SPPL2A: variants seen among roughly 807,000 people sequenced by gnomAD.
SPPL2A encodes the protein signal peptide peptidase-like 2A.
A neutral mutation model predicts 63.8 loss-of-function variants in SPPL2A; 51 were observed. That is an observed-to-expected ratio of 0.80 (90% CI 0.64 to 1.01). The LOEUF (loss-of-function observed/expected upper bound fraction) is 1.01. Among genes scored for constraint, SPPL2A ranks in the 50% least tolerant of loss-of-function variants. SPPL2A has a pLI of 0.00. For missense variants in SPPL2A, 553 were observed against 622.7 expected (o/e 0.89, Z 1.19); for synonymous variants, 188 against 205.8 (o/e 0.91, Z 0.74).
At chr15:50,742,184 C>CG (rs1243137753) in intron 5 of SPPL2A, among the ~76,000 whole-genome samples, 1 of 151,914 alleles carries the variant, frequency 6.6e-6, no homozygotes, top group Non-Finnish European at 1.5e-5. Context: ...CTGAGGCAGG[C>CG]GGATCACCTG....
chr15:50,703,445 C>T lies in SPPL2A; in HGVS notation c.*4355G>A, dbSNP rs12913464. ...TGGTGTGATCTCGACTCACTGCAAC[C>T]TCCACCTCCCAGGTTCAAGCGATTC... On this transcript the variant is annotated 3_prime_UTR_variant, in exon 15 of 15. Transcript: ENST00000261854. 0.094 allele frequency: 13,482 copies of T among 143,914 alleles called. 724 individuals carry two copies. The highest frequency in any genetic ancestry group is 0.15 in the South Asian group (670 of 4,516). The allele number at this position is 143,914 out of a possible 1,614,324, so 8.9% of individuals were successfully genotyped here.
intron 8 of SPPL2A, among the ~76,000 whole-genome samples, chr15:50,735,732 C>G (rs775631168): frequency 6.6e-6 from 1 of 152,004 alleles, no homozygotes; most frequent in African/African-American, 2.4e-5. Flanking sequence ...TGCACTACCA[C>G]GCCTGGCTAA....
chr15:50,720,143 C>T (rs765003750), intron 13 of SPPL2A, 43 bp from the exon 14 acceptor site: 1 of 1,531,062 alleles, frequency 6.5e-7, no homozygotes, highest in Non-Finnish European at 8.8e-7. Context: ...CTACATGTTA[C>T]CAAAGGTGGG....
At position 50,739,249 on chromosome 15, in the gene SPPL2A, G is replaced by A. The variant is rs147200580; in HGVS notation, c.733+431C>T. Among the ~76,000 whole-genome samples the A allele has an allele frequency of 6.9e-3, 1,031 of 149,834 alleles. 5 individuals are homozygous for A. Among genetic ancestry groups the A allele is most frequent in the Non-Finnish European group, 0.011 (730 of 67,746 alleles). ...GCTGGAGTGCAATGGCGCAATGTCGGCTCACTGCAAACTCCACCTCCCAGG... is the reference window on the plus strand; with the variant it reads ...GCTGGAGTGCAATGGCGCAATGTCGACTCACTGCAAACTCCACCTCCCAGG... On this transcript the variant is annotated intron_variant, in intron 6 of 14. Coordinates refer to ENST00000261854, the MANE Select transcript of SPPL2A (RefSeq NM_032802.4).
chr15:50,707,965 A>C lies in SPPL2A; in HGVS notation c.1489-91T>G, dbSNP rs1176335617. On this transcript the variant is annotated intron_variant, in intron 14 of 14. Transcript: ENST00000261854. ...AGCAAAAGGATTCTTTTTCTAAAAA[A>C]CACAGATTGCTCTATGAAACTGAGC... 7 of 738,034 alleles carry C rather than the reference A, an allele frequency of 9.5e-6. No individual in the cohort carries two copies. The East Asian group carries it at 1.5e-4, about 16-fold the overall frequency. The allele number at this position is 738,034 out of a possible 1,614,324, so 45.7% of individuals were successfully genotyped here. A position where few individuals can be genotyped will look rare whatever the true frequency, so the allele number is the denominator to read the frequency against.
At chr15:50,728,817 ATT>A (rs534318500) in intron 10 of SPPL2A, among the ~76,000 whole-genome samples, 9 of 136,026 alleles carry the variant, frequency 6.6e-5, no homozygotes, top group Admixed American at 1.5e-4. Flanking sequence ...TGATTATTGT[ATT>A]TTTTTTTTTT....
intron 6 of SPPL2A, among the ~76,000 whole-genome samples, chr15:50,738,322 G>A (rs2062789785): frequency 6.6e-6 from 1 of 152,180 alleles, no homozygotes; most frequent in Non-Finnish European, 1.5e-5. Flanking sequence ...GCCAAGGCAG[G>A]TGGATCACTT....
At chr15:50,749,513 C>G in intron 2 of SPPL2A, 123 bp downstream of exon 2, 1 of 680,454 alleles carries the variant, frequency 1.5e-6, no homozygotes, top group Non-Finnish European at 2.7e-6. Context: ...GTCTTGATCT[C>G]CTGACCTCAT....
chr15:50,734,676 T>C (rs1567158406), intron 8 of SPPL2A, among the ~76,000 whole-genome samples: 1 of 152,050 alleles, frequency 6.6e-6, no homozygotes, highest in Non-Finnish European at 1.5e-5. Context: ...AAGAGTGAAA[T>C]TGGAATGTTC....
intron 10 of SPPL2A, among the ~76,000 whole-genome samples, chr15:50,726,964 G>A (rs990655366): frequency 6.6e-6 from 1 of 152,140 alleles, no homozygotes; most frequent in African/African-American, 2.4e-5. Context: ...TTTCAGCCCT[G>A]CCTGCTTTCT....
chr15:50,724,648 C>A (rs1230078679), intron 12 of SPPL2A, among the ~76,000 whole-genome samples: 1 of 151,664 alleles, frequency 6.6e-6, no homozygotes, highest in Non-Finnish European at 1.5e-5. Context: ...TACTTCTAAA[C>A]TAAATTATTA....
intron 14 of SPPL2A, among the ~76,000 whole-genome samples, chr15:50,715,280 G>A (rs549562910): frequency 6.6e-6 from 1 of 152,220 alleles, no homozygotes; most frequent in Non-Finnish European, 1.5e-5. Context: ...TTACAGGTGT[G>A]AGCCACCGCT....
In SPPL2A at chr15:50,706,402, A is replaced by C. The variant is rs1365705744; in HGVS notation, c.*1398T>G. 1 of 150,100 alleles carries C rather than the reference A, an allele frequency of 6.7e-6. No homozygotes were observed. Among genetic ancestry groups the C allele is most frequent in the Admixed American group, 6.6e-5 (1 of 15,038 alleles). 9.3% of individuals were successfully genotyped at this position (150,100 alleles called of 1,614,324 possible). A position where few individuals can be genotyped will look rare whatever the true frequency, so the allele number is the denominator to read the frequency against. ...GAGACTCCGTCTCAAAAAAAAAAAA[A>C]AAAAAAAAAAGAAAACTGAGATACA... is the stretch of plus-strand genomic sequence containing the variant. On this transcript the variant is annotated 3_prime_UTR_variant, in exon 15 of 15. Transcript: ENST00000261854.
intron 1 of SPPL2A, among the ~76,000 whole-genome samples, chr15:50,753,065 A>G (rs569760231): frequency 2.4e-4 from 37 of 152,322 alleles, no homozygotes; most frequent in African/African-American, 7.7e-4. Context: ...ATAGCAAAAA[A>G]ACCCAACTTC....
At position 50,747,480 on chromosome 15, in the gene SPPL2A, GTTAA is replaced by G. The variant is rs1555444244; in HGVS notation, c.584+11_584+14del. ...AACCATTTATTACAAAAACGCTTAA[GTTAA>G]TTAAACTTACAATTCAACTAGTCCA... On this transcript the variant is annotated intron_variant, in intron 5 of 14. Transcript: ENST00000261854. 6.3e-7 allele frequency: 1 copy of G among 1,588,240 alleles called. No individual in the cohort carries two copies. The highest frequency in any genetic ancestry group is 1.4e-5 in the African/African-American group (1 of 73,380).
rs2062489033 is a variant in SPPL2A, at chr15:50,703,345, TACA to T, written c.*4452_*4454del. 9.2e-5 allele frequency: 8 copies of T among 87,200 alleles called. No individual in the cohort carries two copies. The highest frequency in any genetic ancestry group is 4.2e-4 in the South Asian group (1 of 2,392). The allele number at this position is 87,200 out of a possible 1,614,324, so 5.4% of individuals were successfully genotyped here. A position where few individuals can be genotyped will look rare whatever the true frequency, so the allele number is the denominator to read the frequency against. ...ATATACATATATATATATATATATA[TACA>T]TATATATATTTTTTTTTTTTTTTTT... On this transcript the variant is annotated 3_prime_UTR_variant, in exon 15 of 15. Transcript: ENST00000261854.
intron 14 of SPPL2A, among the ~76,000 whole-genome samples, chr15:50,712,027 C>T (rs751465735): frequency 7.9e-5 from 12 of 152,132 alleles, no homozygotes; most frequent in Non-Finnish European, 1.5e-4. Flanking sequence ...AGCTTATACA[C>T]ACATGCAAAA....
rs564787340 is a variant in SPPL2A, at chr15:50,728,630, A to G, written c.1090-2253T>C. ...CGAAGTGCTGGGATTACAGGCGTGA[A>G]CCACTGCGCTCGGCCAACAATTTCT... is the stretch of plus-strand genomic sequence containing the variant. On this transcript the variant is annotated intron_variant, in intron 10 of 14. Transcript: ENST00000261854. Among the ~76,000 whole-genome samples, 154 of 136,464 alleles carry G rather than the reference A, an allele frequency of 1.1e-3. 1 individual carries two copies. Among genetic ancestry groups the G allele is most frequent in the Middle Eastern group, 5.4e-3 (1 of 184 alleles). 89.5% of individuals were successfully genotyped at this position (136,464 alleles called of 152,430 possible).
chr15:50,755,891 A>T (rs111713908), intron 1 of SPPL2A, among the ~76,000 whole-genome samples: 82 of 151,578 alleles, frequency 5.4e-4, no homozygotes, highest in African/African-American at 2.0e-3. Context: ...AAGTGCTGGG[A>T]TTACAGTTAT....
Sources: gnomAD v4.1 joint callset for allele counts (sites outside exome capture counted in the v4.1 genomes callset) on GRCh38, gnomAD v4.1.1 for gene constraint, MANE v1.5 for transcripts, NCBI Gene and HGNC (gene_info 2026-07-23, HGNC 2026-07-21) for gene names.